DNTTIP1: variants seen among roughly 807,000 people sequenced by gnomAD.
The protein encoded by DNTTIP1 is deoxynucleotidyltransferase terminal-interacting protein 1.
A neutral mutation model predicts 52.9 loss-of-function variants in DNTTIP1; 22 were observed. That is an observed-to-expected ratio of 0.42 (90% CI 0.30 to 0.59). DNTTIP1 has a LOEUF of 0.59. Among genes scored for constraint, DNTTIP1 ranks in the 20% least tolerant of loss-of-function variants. DNTTIP1 has a pLI of 0.22. For synonymous variants in DNTTIP1, 136 were observed against 155.1 expected, an observed-to-expected ratio of 0.88 and a Z score of 0.92; for missense variants, 286 against 435.5, an observed-to-expected ratio of 0.66 and a Z score of 3.06.
At chr20:45,793,308 A>G (rs924810502) in intron 2 of DNTTIP1, among the ~76,000 whole-genome samples, 1 of 152,060 alleles carries the variant, frequency 6.6e-6, no homozygotes, top group African/African-American at 2.4e-5. Flanking sequence ...CACGCCTGTA[A>G]TCCCAGCACT....
chr20:45,801,310 G>A, intron 5 of DNTTIP1, 92 bp from the exon 6 acceptor site: 1 of 1,484,988 alleles, frequency 6.7e-7, no homozygotes. Context: ...CGGGGCTGGA[G>A]AGCTGTAGTC....
At chr20:45,794,347 C>A (rs1362974655) in intron 3 of DNTTIP1, among the ~76,000 whole-genome samples, 2 of 151,862 alleles carry the variant, frequency 1.3e-5, no homozygotes, top group East Asian at 2.0e-4. Context: ...CGGGGTTTCA[C>A]TGTTGGCCAG....
intron 6 of DNTTIP1, 56 bp from the exon 7 acceptor site, chr20:45,801,943 T>C: frequency 6.5e-7 from 1 of 1,550,024 alleles, no homozygotes; most frequent in Admixed American, 1.7e-5. Context: ...GACCTGCCAA[T>C]GGGGTATGGG....
chr20:45,805,021 T>C, intron 8 of DNTTIP1, 125 bp from the exon 9 acceptor site: 1 of 849,848 alleles, frequency 1.2e-6, no homozygotes, highest in South Asian at 1.4e-5. Flanking sequence ...ACTCAGTGTC[T>C]TGGGTCAACT....
At chr20:45,796,298 A>G (rs74174972) in intron 4 of DNTTIP1, among the ~76,000 whole-genome samples, 4,625 of 152,168 alleles carry the variant, frequency 0.03, 102 homozygotes, top group Non-Finnish European at 0.047. Flanking sequence ...ATCTATGTCA[A>G]TTCATCACAT....
In DNTTIP1 at chr20:45,809,218, AC is replaced by A; in HGVS notation, c.795+36del. On this transcript the variant is annotated intron_variant, in intron 11 of 12. Coordinates refer to ENST00000372622, the MANE Select transcript of DNTTIP1 (RefSeq NM_052951.3). This position sits in a 1 kb window ranked among gnomAD's most constrained non-coding sequence, Gnocchi z 4.2. ...TTATTCATTTGTGCCACTGCCAGTGACCCACCCCACCTGGGAACCAGGATTT... is the reference window on the plus strand; with the variant it reads ...TTATTCATTTGTGCCACTGCCAGTGACCACCCCACCTGGGAACCAGGATTT... 1 of 1,599,252 alleles carries A rather than the reference AC, an allele frequency of 6.3e-7. No homozygotes were observed. Among genetic ancestry groups the A allele is most frequent in the Non-Finnish European group, 8.6e-7 (1 of 1,167,432 alleles).
At chr20:45,792,259 T>G in intron 1 of DNTTIP1, 150 bp downstream of exon 1, 1 of 451,434 alleles carries the variant, frequency 2.2e-6, no homozygotes, top group Non-Finnish European at 3.6e-6. Context: ...TAAATTCTGG[T>G]GCCGCCCTCC....
chr20:45,806,272 C>T (rs1981641821), intron 10 of DNTTIP1, among the ~76,000 whole-genome samples: 1 of 151,958 alleles, frequency 6.6e-6, no homozygotes, highest in Admixed American at 6.6e-5. Flanking sequence ...AGGAGAATCG[C>T]TTAAACCCAG....
chr20:45,809,627 ACTTGGCAGCC>A lies in DNTTIP1; in HGVS notation c.795+444_795+453del, dbSNP rs1981758444. Among the ~76,000 whole-genome samples, 1 of 152,284 alleles carries A rather than the reference ACTTGGCAGCC, an allele frequency of 6.6e-6. No individual in the cohort carries two copies. Among genetic ancestry groups the A allele is most frequent in the African/African-American group, 2.4e-5 (1 of 41,484 alleles). ...AGTTAGCAATGAAATGTGTTTGCAC[ACTTGGCAGCC>A]CCTTCCAGATTTACCTCTACTTGAA... On this transcript the variant is annotated intron_variant, in intron 11 of 12. Transcript: ENST00000372622. This position sits in a 1 kb window ranked among gnomAD's most constrained non-coding sequence, Gnocchi z 4.2.
chr20:45,805,031 T>A (rs1431717437), intron 8 of DNTTIP1, 115 bp from the exon 9 acceptor site: 7 of 920,032 alleles, frequency 7.6e-6, no homozygotes, highest in Non-Finnish European at 1.3e-5. Flanking sequence ...TTGGGTCAAC[T>A]GTTGATTAAA....
chr20:45,795,427 G>A lies in DNTTIP1; in HGVS notation c.356G>A (p.Arg119Gln), dbSNP rs370974845. 25 of 1,605,820 alleles carry A rather than the reference G, an allele frequency of 1.6e-5. No individual in the cohort carries two copies. In the African/African-American group the frequency reaches 2.3e-4, roughly 15 times the overall value. The change falls in exon 4 of 13, where the codon CGG (arginine) becomes CAG (glutamine). Residue 119 changes from arginine to glutamine, a missense_variant. Arg to Gln is a conservative substitution (Grantham distance 43, BLOSUM62 1). Around this residue, in one of 2 missense-constraint regions of DNTTIP1, gnomAD observed 208 missense variants for 266.5 expected, o/e 0.78. Coordinates refer to ENST00000372622, the MANE Select transcript of DNTTIP1 (RefSeq NM_052951.3). ...DAEQLIQEAC[R>Q]SCLEQAKLLF... ...GAGCAGCTGATCCAGGAAGCCTGTC[G>A]GAGCTGCCTGGAGCAGGTGAGACCA... is the stretch of plus-strand genomic sequence containing the variant.
intron 5 of DNTTIP1, 118 bp downstream of exon 5, chr20:45,801,260 C>A: frequency 7.3e-7 from 1 of 1,373,988 alleles, no homozygotes; most frequent in Non-Finnish European, 1.0e-6. Context: ...CAGGCCCACA[C>A]AGCATCATGC....
chr20:45,799,095 C>G (rs1981338904), intron 4 of DNTTIP1, among the ~76,000 whole-genome samples: 1 of 152,198 alleles, frequency 6.6e-6, no homozygotes, highest in African/African-American at 2.4e-5. Flanking sequence ...AGACATGGGG[C>G]AGACTATTTG....
At chr20:45,803,968 A>G (rs1981557252) in intron 8 of DNTTIP1, among the ~76,000 whole-genome samples, 1 of 152,136 alleles carries the variant, frequency 6.6e-6, no homozygotes, top group Non-Finnish European at 1.5e-5. Flanking sequence ...AGTGACTTAT[A>G]TAAATGGTTG....
At chr20:45,808,728 G>A (rs908223028) in intron 10 of DNTTIP1, among the ~76,000 whole-genome samples, 3 of 152,142 alleles carry the variant, frequency 2.0e-5, no homozygotes, top group East Asian at 1.9e-4. Context: ...GCTATTATGC[G>A]TCCGAGAGTA....
Position 45,811,202 on chromosome 20 carries a change from G to A in DNTTIP1, c.*7G>A, listed in dbSNP as rs1981837342. The A allele has an allele frequency of 6.3e-7, 1 of 1,598,884 alleles. No homozygotes were observed. Among genetic ancestry groups the A allele is most frequent in the Non-Finnish European group, 8.5e-7 (1 of 1,173,216 alleles). ...AGCACCTCCACAGACCTGAGGCCGG[G>A]TCCCCTGGCCACACTTGGCAGCCCT... On this transcript the variant is annotated 3_prime_UTR_variant, in exon 13 of 13. Transcript: ENST00000372622.
rs1360123651 is a variant in DNTTIP1, at chr20:45,801,443, C to T, written c.483C>T (p.Ser161=). The change falls in exon 6 of 13, where the codon AGC becomes AGT. Residue 161 remains serine (S), a synonymous_variant. Coordinates refer to ENST00000372622, the MANE Select transcript of DNTTIP1 (RefSeq NM_052951.3). ...QAEEECAHRG[S]PLPKKRKGRP... ...AAGAAGAATGTGCCCATCGAGGAAG[C>T]CCCCTTCCTAAAAAGGTAAACCATT... 6.2e-7 allele frequency: 1 copy of T among 1,614,098 alleles called. No individual in the cohort carries two copies. The highest frequency in any genetic ancestry group is 1.1e-5 in the South Asian group (1 of 91,078).
At position 45,809,007 on chromosome 20, in the gene DNTTIP1, C is replaced by T. The variant is rs2145706668; in HGVS notation, c.724-107C>T. ...CCTCTAAGTCCACCACGCTTGGAGA[C>T]AAGGACTTTTGGTAAGAACTGCTCA... On this transcript the variant is annotated intron_variant, in intron 10 of 12. Coordinates refer to ENST00000372622, the MANE Select transcript of DNTTIP1 (RefSeq NM_052951.3). The surrounding 1 kb of genome is among the most constrained non-coding windows in gnomAD (Gnocchi z 4.2). 3 of 964,256 alleles carry T rather than the reference C, an allele frequency of 3.1e-6. No individual in the cohort carries two copies. The highest frequency in any genetic ancestry group is 5.1e-5 in the East Asian group (2 of 39,418). 59.7% of individuals were successfully genotyped at this position (964,256 alleles called of 1,614,324 possible). A position where few individuals can be genotyped will look rare whatever the true frequency, so the allele number is the denominator to read the frequency against.
At chr20:45,796,577 C>T (rs1455676023) in intron 4 of DNTTIP1, 4 of 470,678 alleles carry the variant, frequency 8.5e-6, no homozygotes, top group Admixed American at 2.4e-5. Flanking sequence ...AATGACTGTT[C>T]CCAAGATAGT....
Sources: gnomAD v4.1 joint callset for allele counts (sites outside exome capture counted in the v4.1 genomes callset) on GRCh38, gnomAD v4.1.1 for gene constraint, gnomAD v4.1.1 regional missense constraint, Gnocchi (gnomAD v3.1) non-coding constraint, MANE v1.5 for transcripts, NCBI Gene and HGNC (gene_info 2026-07-23, HGNC 2026-07-21) for gene names.